Variants in CACNA1F observed in about 807,000 individuals in gnomAD.
The protein encoded by CACNA1F is calcium voltage-gated channel subunit alpha1 F, also known as voltage-dependent L-type calcium channel subunit alpha-1F.
Under a neutral mutation model 143.8 loss-of-function variants are expected in CACNA1F, and 59 were observed. The ratio of observed to expected loss-of-function variants is 0.41; its 90% CI spans 0.33 to 0.51. The LOEUF is 0.51. Among genes scored for constraint, CACNA1F ranks in the 20% least tolerant of loss-of-function variants. The pLI, the probability that CACNA1F is intolerant of heterozygous loss-of-function variation, is 0.22. For synonymous variants in CACNA1F, 643 were observed against 649.1 expected (o/e 0.99, Z 0.14); for missense variants, 1,411 against 1,647.5 (o/e 0.86, Z 2.48).
Position 49,215,475 on chromosome X carries a change from A to T in CACNA1F, c.3305T>A (p.Ile1102Asn). Residue 1102 changes from isoleucine (I) to asparagine (N), a missense_variant, in exon 28 of 48, where the codon ATC becomes AAC. By Grantham distance (149) the Ile-to-Asn change is moderately radical. This residue lies in a region of CACNA1F where 950 missense variants were observed against 1,128.1 expected (regional missense o/e 0.84). Transcript: ENST00000323022. Reference protein sequence around the residue: ...HGPIYNYRVEISVFFIVYIII... With the variant: ...HGPIYNYRVENSVFFIVYIII... The stretch of plus-strand genomic sequence containing the variant: ...GATGTAGACAATGAAGAACACTGAG[A>T]TCTCCACACGGTAATTATAGATGGG... The T allele has an allele frequency of 8.3e-7, 1 of 1,205,566 alleles. No homozygotes were observed. The highest frequency in any genetic ancestry group is 1.1e-6 in the Non-Finnish European group (1 of 891,219).
In CACNA1F at chrX:49,225,964, C is replaced by T. The variant is rs200019074; in HGVS notation, c.1596G>A (p.Thr532=). Residue 532 remains threonine (T), a synonymous_variant, in exon 13 of 48, where the codon ACG becomes ACA. Transcript: ENST00000323022. ...WAVLLLVFLN[T]LTIASEHHGQ... ...CGTGGTGCTCAGAGGCGATGGTCAA[C>T]GTGTTGAGGAAGACGAGCAACAGCA... 1.3e-4 allele frequency: 152 copies of T among 1,169,100 alleles called. No homozygotes were observed. Among genetic ancestry groups the T allele is most frequent in the Non-Finnish European group, 1.6e-4 (137 of 874,276 alleles).
intron 36 of CACNA1F, 85 bp from the exon 37 acceptor site, chrX:49,211,177 A>G: frequency 2.7e-6 from 3 of 1,117,971 alleles, no homozygotes; most frequent in Non-Finnish European, 3.7e-6. Context: ...GCGGGCTTAT[A>G]TGGTCATGAG....
In CACNA1F at chrX:49,206,591, G is replaced by T; in HGVS notation, c.5392C>A (p.Gln1798Lys). 1 of 1,210,229 alleles carries T rather than the reference G, an allele frequency of 8.3e-7. No homozygotes were observed. The highest frequency in any genetic ancestry group is 1.1e-6 in the Non-Finnish European group (1 of 894,576). Residue 1798 changes from glutamine (Q) to lysine (K), a missense_variant, in exon 46 of 48, where the codon CAG becomes AAG. By Grantham distance (53) the Gln-to-Lys change is moderately conservative. Coordinates refer to ENST00000323022, the MANE Select transcript of CACNA1F (RefSeq NM_001256789.3). ...RKPSFTIQCLQRQGSCEDLPI... is the reference protein window; with the variant it reads ...RKPSFTIQCLKRQGSCEDLPI... ...AAATCCTCACAACTGCCCTGGCGCT[G>T]CAGACACTGGATGGTGAAGGAGGGC...
intron 12 of CACNA1F, 43 bp downstream of exon 12, chrX:49,226,174 C>A (rs1415014279): frequency 7.7e-6 from 9 of 1,169,712 alleles, no homozygotes; most frequent in South Asian, 1.8e-5. Flanking sequence ...TGGGGGGTTT[C>A]AAAGTTATGG....
intron 39 of CACNA1F, 115 bp downstream of exon 39, chrX:49,210,185 TG>T: frequency 1.5e-6 from 1 of 687,093 alleles, no homozygotes; most frequent in Middle Eastern, 3.5e-4. Context: ...GAAACAGGCC[TG>T]GAGAATCCTG....
At chrX:49,224,012 G>C (rs1426011276) in intron 14 of CACNA1F, among the ~76,000 whole-genome samples, 4 of 111,428 alleles carry the variant, frequency 3.6e-5, no homozygotes, top group Admixed American at 2.9e-4. Flanking sequence ...GATTACAGGC[G>C]TGAGCCACCG....
In CACNA1F at chrX:49,226,333, G is replaced by T. The variant is rs1327966360; in HGVS notation, c.1463+76C>A. On this transcript the variant is annotated intron_variant, in intron 11 of 47. Coordinates refer to ENST00000323022, the MANE Select transcript of CACNA1F (RefSeq NM_001256789.3). Reference sequence around the variant, plus strand: ...CCAGAGGTCAAGGACTGAGATCGAGGCTTGAGGCTAAAGAAAGGACTTGAG... The same window carrying T: ...CCAGAGGTCAAGGACTGAGATCGAGTCTTGAGGCTAAAGAAAGGACTTGAG... The T allele has an allele frequency of 3.5e-6, 4 of 1,133,283 alleles. No homozygotes were observed. In the African/African-American group the frequency reaches 5.4e-5, roughly 15 times the overall value. The allele number at this position is 1,133,283 out of a possible 1,213,427, so 93.4% of individuals were successfully genotyped here. A position where few individuals can be genotyped will look rare whatever the true frequency, so the allele number is the denominator to read the frequency against.
chrX:49,215,582 G>C (rs369899506), intron 27 of CACNA1F, 39 bp from the exon 28 acceptor site: 1 of 912,496 alleles, frequency 1.1e-6, no homozygotes, highest in Non-Finnish European at 1.6e-6. Context: ...GGGGGCAGGT[G>C]AGGGGATATC....
At position 49,219,659 on chromosome X, in the gene CACNA1F, A is replaced by G; in HGVS notation, c.2518T>C (p.Phe840Leu). 1 of 1,205,545 alleles carries G rather than the reference A, an allele frequency of 8.3e-7. No homozygotes were observed. The highest frequency in any genetic ancestry group is 1.1e-6 in the Non-Finnish European group (1 of 892,431). The change falls in exon 20 of 48, where the codon TTC becomes CTC. Residue 840 changes from phenylalanine (F) to leucine (L), a missense_variant. By Grantham distance (22) the Phe-to-Leu change is conservative. Around this residue, in one of 3 missense-constraint regions of CACNA1F, gnomAD observed 950 missense variants for 1,128.1 expected, o/e 0.84. Transcript: ENST00000323022. ...GGGTTGGTTTGGCTGAGGCAGAAGA[A>G]GGCGCTGCCCTCAGGGATGGGTACC... ...KVVPIPEGSA[F>L]FCLSQTNPLR... is the part of the protein sequence containing the mutation.
At chrX:49,216,252 C>A in intron 27 of CACNA1F, 130 bp downstream of exon 27, 1 of 690,370 alleles carries the variant, frequency 1.4e-6, no homozygotes, top group Non-Finnish European at 2.3e-6. Context: ...CTCCAGAAAA[C>A]CCTATCCAGT....
chrX:49,224,906 C>T lies in CACNA1F; in HGVS notation c.1732G>A (p.Val578Met), dbSNP rs782337185. ...TCAAAGCGGTTGAAGAAGGAAGACA[C>T]ATAGGCAGAGGGGCCCAGACCGTAC... is the stretch of plus-strand genomic sequence containing the variant. ...KLYGLGPSAY[V>M]SSFFNRFDCF... The change falls in exon 14 of 48, where the codon GTG becomes ATG. Residue 578 changes from valine (V) to methionine (M), a missense_variant. Coordinates refer to ENST00000323022, the MANE Select transcript of CACNA1F (RefSeq NM_001256789.3). 4.1e-6 allele frequency: 5 copies of T among 1,208,683 alleles called. No individual in the cohort carries two copies. The highest frequency in any genetic ancestry group is 4.5e-6 in the Non-Finnish European group (4 of 893,004).
Position 49,224,855 on chromosome X carries a change from G to A in CACNA1F, c.1783C>T (p.Leu595=), listed in dbSNP as rs782214934. 6 of 1,201,836 alleles carry A rather than the reference G, an allele frequency of 5.0e-6. No homozygotes were observed. The African/African-American group carries it at 1.1e-4, about 21-fold the overall frequency. The change falls in exon 14 of 48, where the codon CTA becomes TTA. Residue 595 remains leucine, a synonymous_variant. Coordinates refer to ENST00000323022, the MANE Select transcript of CACNA1F (RefSeq NM_001256789.3). ...FDCFVVCGGI[L]ETTLVEVGAM... Reference sequence around the variant, plus strand: ...CCCACCTCCACCAAGGTGGTCTCTAGGATGCCCCCACAGACCACAAAGCAG... The same window carrying A: ...CCCACCTCCACCAAGGTGGTCTCTAAGATGCCCCCACAGACCACAAAGCAG...
Position 49,231,900 on chromosome X carries a change from T to A in CACNA1F, c.53A>T (p.Asn18Ile). Reference protein sequence around the residue: ...KDTTPEPSPANGAGPGPEWGL... With the variant: ...KDTTPEPSPAIGAGPGPEWGL... The stretch of plus-strand genomic sequence containing the variant: ...CCATTCGGGACCAGGGCCTGCCCCA[T>A]TGGCTGGACTGGGCTCTGGGGTGGT... The change falls in exon 2 of 48, where the codon AAT becomes ATT. Residue 18 changes from asparagine to isoleucine, a missense_variant. Asn to Ile is a moderately radical substitution (Grantham distance 149). Coordinates refer to ENST00000323022, the MANE Select transcript of CACNA1F (RefSeq NM_001256789.3). The A allele has an allele frequency of 1.4e-5, 17 of 1,178,554 alleles. No homozygotes were observed. The highest frequency in any genetic ancestry group is 1.9e-5 in the Non-Finnish European group (17 of 878,708).
intron 14 of CACNA1F, 21 bp from the exon 15 acceptor site, chrX:49,223,157 G>A (rs782531242): frequency 1.6e-4 from 176 of 1,085,493 alleles, no homozygotes; most frequent in Non-Finnish European, 2.2e-4. Flanking sequence ...AATGGGAGGG[G>A]GCAGGGTCGA....
Position 49,219,301 on chromosome X carries a change from G to T in CACNA1F, c.2673+20C>A, listed in dbSNP as rs782534746. On this transcript the variant is annotated intron_variant, in intron 21 of 47. Transcript: ENST00000323022. ...CCTGGGAGTGTCCCCTCAGCTCCTA[G>T]CTCCCAGCCAAAGGCTCACATGGTT... 7 of 1,202,701 alleles carry T rather than the reference G, an allele frequency of 5.8e-6. No individual in the cohort carries two copies. In the South Asian group the frequency reaches 1.3e-4, roughly 22 times the overall value.
intron 43 of CACNA1F, 122 bp from the exon 44 acceptor site, chrX:49,207,234 G>A: frequency 2.0e-6 from 1 of 498,586 alleles, no homozygotes; most frequent in South Asian, 2.7e-5. Flanking sequence ...TTTTTTTGTT[G>A]AGGACAAGTC....
At chrX:49,210,459 C>G (rs2065645570) in intron 38 of CACNA1F, 56 bp from the exon 39 acceptor site, 1 of 1,057,341 alleles carries the variant, frequency 9.5e-7, no homozygotes, top group Non-Finnish European at 1.3e-6. Context: ...TATGCAGGAA[C>G]GAATGTCAAG....
In CACNA1F at chrX:49,205,132, G is replaced by A. The variant is rs1557104453; in HGVS notation, c.*5C>T. On this transcript the variant is annotated 3_prime_UTR_variant, in exon 48 of 48. Coordinates refer to ENST00000323022, the MANE Select transcript of CACNA1F (RefSeq NM_001256789.3). ...TTTATTGAGCAGTTGGGGAGGGGTGGGAATTCAGAGGGCGTGGACGCAGGC... is the reference window on the plus strand; with the variant it reads ...TTTATTGAGCAGTTGGGGAGGGGTGAGAATTCAGAGGGCGTGGACGCAGGC... 1 of 1,187,818 alleles carries A rather than the reference G, an allele frequency of 8.4e-7. No individual in the cohort carries two copies.
chrX:49,209,745 C>A lies in CACNA1F; in HGVS notation c.4705G>T (p.Val1569Leu). Residue 1569 changes from valine (V) to leucine (L), a missense_variant, in exon 41 of 48, where the codon GTG becomes TTG. Physicochemically the swap from Val to Leu is conservative, Grantham distance 32 (BLOSUM62 1). Transcript: ENST00000323022. ...IPPPDEEEVT[V>L]GKFYATFLIQ... ...AGAAATGTGGCGTAGAATTTGCCCA[C>A]GGTGACCTCCTCCTCTAGGGGCAAG... is the stretch of plus-strand genomic sequence containing the variant. 1 of 1,211,454 alleles carries A rather than the reference C, an allele frequency of 8.3e-7. No individual in the cohort carries two copies. Among genetic ancestry groups the A allele is most frequent in the Non-Finnish European group, 1.1e-6 (1 of 895,259 alleles).
Sources: gnomAD v4.1 joint callset for allele counts (sites outside exome capture counted in the v4.1 genomes callset) on GRCh38, gnomAD v4.1.1 for gene constraint, gnomAD v4.1.1 regional missense constraint, MANE v1.5 for transcripts, NCBI Gene and HGNC (gene_info 2026-07-23, HGNC 2026-07-21) for gene names.